Variants in TCF4 observed in about 807,000 individuals in gnomAD.
The protein encoded by TCF4 is transcription factor 4.
TCF4 carries 3 observed loss-of-function variants against 82.1 expected under a neutral mutation model. The observed-to-expected ratio is 0.04, with a 90% CI of 0.02 to 0.09. TCF4 has a LOEUF of 0.09. Ranked by LOEUF, TCF4 falls within the 10% of genes least tolerant of loss-of-function variation. The pLI is 1.00. For missense variants in TCF4, 518 were observed against 852.7 expected (o/e 0.61, Z 4.89); for synonymous variants, 276 against 309.6 (o/e 0.89, Z 1.14).
chr18:55,429,839 C>A (rs978970547), intron 5 of TCF4, among the ~76,000 whole-genome samples: 12 of 150,496 alleles, frequency 8.0e-5, no homozygotes, highest in Non-Finnish European at 1.8e-4. Context: ...GTGACTTGCT[C>A]CCCACCTCCA....
At chr18:55,293,909 C>T (rs2065734987) in intron 8 of TCF4, among the ~76,000 whole-genome samples, 1 of 98,010 alleles carries the variant, frequency 1.0e-5, no homozygotes. Flanking sequence ...AAATGTATTT[C>T]ATCTTCTAAA....
intron 3 of TCF4, among the ~76,000 whole-genome samples, chr18:55,522,253 T>G (rs1195698660): frequency 6.6e-6 from 1 of 152,156 alleles, no homozygotes; most frequent in Non-Finnish European, 1.5e-5. Flanking sequence ...TTACAAAATA[T>G]ATGTAGTTAG....
At chr18:55,528,416 T>C (rs2097017368) in intron 3 of TCF4, among the ~76,000 whole-genome samples, 1 of 152,208 alleles carries the variant, frequency 6.6e-6, no homozygotes, top group Non-Finnish European at 1.5e-5. Context: ...CTCTATAATA[T>C]ACTGTGGATA....
Position 55,227,978 on chromosome 18 carries a change from A to G in TCF4, c.*57T>C. 2.0e-6 allele frequency: 1 copy of G among 494,556 alleles called. No individual in the cohort carries two copies. The highest frequency in any genetic ancestry group is 2.1e-5 in the South Asian group (1 of 46,718). 30.6% of individuals were successfully genotyped at this position (494,556 alleles called of 1,614,324 possible). A position where few individuals can be genotyped will look rare whatever the true frequency, so the allele number is the denominator to read the frequency against. ...TGTTTATGTGGGTTTAAGATAATAC[A>G]GCTGTTAAGGAAGTGGTCTCTTGTT... On this transcript the variant is annotated 3_prime_UTR_variant, in exon 20 of 20. Transcript: ENST00000354452.
In TCF4 at chr18:55,353,395, T is replaced by C. The variant is rs149416434; in HGVS notation, c.370-2392A>G. On this transcript the variant is annotated intron_variant, in intron 6 of 19. Coordinates refer to ENST00000354452, the MANE Select transcript of TCF4 (RefSeq NM_001083962.2). ...GCAGTAACATAGCACTAGGACCAGA[T>C]AGCACTTACAAACCTTTAGTGGTTC... Among the ~76,000 whole-genome samples the C allele has an allele frequency of 3.5e-3, 538 of 152,276 alleles. 4 individuals carry two copies. Among genetic ancestry groups the C allele is most frequent in the Middle Eastern group, 0.014 (4 of 294 alleles).
chr18:55,527,689 A>G (rs2097003227), intron 3 of TCF4, among the ~76,000 whole-genome samples: 1 of 152,150 alleles, frequency 6.6e-6, no homozygotes, highest in Non-Finnish European at 1.5e-5. Context: ...TGAGATATCA[A>G]AGTTATTGAA....
intron 5 of TCF4, among the ~76,000 whole-genome samples, chr18:55,430,288 C>T (rs1365633722): frequency 2.6e-5 from 4 of 152,114 alleles, no homozygotes; most frequent in Non-Finnish European, 5.9e-5. Context: ...TGATTTGTAA[C>T]AGGAAAGGAC....
At chr18:55,441,337 G>T (rs2095435229) in intron 5 of TCF4, among the ~76,000 whole-genome samples, 1 of 152,156 alleles carries the variant, frequency 6.6e-6, no homozygotes, top group Non-Finnish European at 1.5e-5. Flanking sequence ...ATCAACAGGG[G>T]TTTTATGTAA....
chr18:55,400,356 G>C (rs1188142322), intron 6 of TCF4, among the ~76,000 whole-genome samples: 1 of 152,172 alleles, frequency 6.6e-6, no homozygotes, highest in African/African-American at 2.4e-5. Flanking sequence ...TAAGCTGGGT[G>C]TGATTTCTGT....
chr18:55,423,652 T>C (rs1008706670), intron 5 of TCF4: 2 of 152,314 alleles, frequency 1.3e-5, no homozygotes, highest in South Asian at 2.1e-4. Context: ...CCATTACACA[T>C]GACCAAACCA....
At chr18:55,465,484 C>A (rs571891551) in intron 3 of TCF4, among the ~76,000 whole-genome samples, 43 of 151,918 alleles carry the variant, frequency 2.8e-4, no homozygotes, top group African/African-American at 1.0e-3. Context: ...ATAACACAAA[C>A]TGCAAACAGA....
In TCF4 at chr18:55,633,049, A is replaced by G. The variant is rs560457528; in HGVS notation, c.196-1661T>C. On this transcript the variant is annotated intron_variant, in intron 1 of 20. Coordinates refer to the TCF4 transcript ENST00000398339. The surrounding 1 kb of genome is among the most constrained non-coding windows in gnomAD (Gnocchi z 4.0). Reference sequence around the variant, plus strand: ...AGGTTTTCTTATGTATTAGTTATCAATTGCTGTATAAGAAATTAACCTGAA... The same window carrying G: ...AGGTTTTCTTATGTATTAGTTATCAGTTGCTGTATAAGAAATTAACCTGAA... Among the ~76,000 whole-genome samples the G allele has an allele frequency of 6.8e-4, 104 of 152,348 alleles. 1 individual carries two copies. In the South Asian group the frequency reaches 0.021, roughly 31 times the overall value.
intron 3 of TCF4, among the ~76,000 whole-genome samples, chr18:55,477,661 T>C (rs2096323508): frequency 6.6e-6 from 1 of 152,208 alleles, no homozygotes; most frequent in South Asian, 2.1e-4. Context: ...GACAGGTCTA[T>C]GACGGAAAAA....
At chr18:55,585,142 G>C in intron 3 of TCF4, 138 bp downstream of exon 3, 1 of 769,102 alleles carries the variant, frequency 1.3e-6, no homozygotes, top group South Asian at 1.5e-5. Context: ...ACCACTGATG[G>C]GTAATGCAAT....
At chr18:55,399,853 A>ATCTCTCTCTC (rs35948563) in intron 6 of TCF4, among the ~76,000 whole-genome samples, 68 of 83,756 alleles carry the variant, frequency 8.1e-4, no homozygotes, top group African/African-American at 1.1e-3. Flanking sequence ...CTCTCTCCCC[A>ATCTCTCTCTC]TCTCTCTCTC....
intron 3 of TCF4, among the ~76,000 whole-genome samples, chr18:55,527,156 C>T (rs2096994427): frequency 6.6e-6 from 1 of 152,168 alleles, no homozygotes; most frequent in African/African-American, 2.4e-5. Context: ...CTGCAAAGCC[C>T]ACCACAAAGG....
intron 3 of TCF4, among the ~76,000 whole-genome samples, chr18:55,474,600 G>A (rs1162197663): frequency 6.6e-6 from 1 of 152,042 alleles, no homozygotes; most frequent in Non-Finnish European, 1.5e-5. Flanking sequence ...ATCTCCAAAT[G>A]GTGGCTGACC....
intron 5 of TCF4, among the ~76,000 whole-genome samples, chr18:55,424,703 T>C (rs1176595173): frequency 2.0e-5 from 3 of 152,218 alleles, no homozygotes; most frequent in Non-Finnish European, 4.4e-5. Context: ...TTGGTTTTAT[T>C]GATCCAATGA....
intron 5 of TCF4, among the ~76,000 whole-genome samples, chr18:55,410,817 C>T (rs966781617): frequency 6.6e-6 from 1 of 152,130 alleles, no homozygotes; most frequent in African/African-American, 2.4e-5. Flanking sequence ...TCTCAAGTTC[C>T]ATGATGGATG....
Sources: allele counts gnomAD v4.1 joint callset (sites outside exome capture counted in the v4.1 genomes callset), GRCh38; gene constraint gnomAD v4.1.1; non-coding constraint Gnocchi (gnomAD v3.1); transcripts MANE v1.5; gene names NCBI Gene and HGNC (gene_info 2026-07-23, HGNC 2026-07-21).